Variants in ANKRD50 observed in about 807,000 individuals in gnomAD.
ANKRD50 encodes ankyrin repeat domain-containing protein 50.
ANKRD50 carries 40 observed loss-of-function variants against 112.0 expected under a neutral mutation model. That is an observed-to-expected ratio of 0.36 (90% CI 0.28 to 0.46). The LOEUF is 0.46. Among genes scored for constraint, ANKRD50 ranks in the 20% least tolerant of loss-of-function variants. The pLI, the probability that ANKRD50 is intolerant of heterozygous loss-of-function variation, is 1.00. For missense variants in ANKRD50, 1,487 were observed against 1,701.7 expected (o/e 0.87, Z 2.22); for synonymous variants, 613 against 619.1 (o/e 0.99, Z 0.15).
At chr4:124,691,087 T>C (rs1317352192) in intron 2 of ANKRD50, among the ~76,000 whole-genome samples, 1 of 152,136 alleles carries the variant, frequency 6.6e-6, no homozygotes, top group African/African-American at 2.4e-5. Context: ...TAGAAAGAAA[T>C]AGAGGAAGAG....
chr4:124,700,404 T>C (rs1291386556), intron 2 of ANKRD50, among the ~76,000 whole-genome samples: 1 of 152,076 alleles, frequency 6.6e-6, no homozygotes, highest in Non-Finnish European at 1.5e-5. Context: ...TTTGTGAAAA[T>C]AAGAGAAACA....
intron 3 of ANKRD50, among the ~76,000 whole-genome samples, chr4:124,672,785 T>C (rs1730693158): frequency 6.6e-6 from 1 of 152,030 alleles, no homozygotes. Context: ...TTGGTGCCTC[T>C]CTCAACTCCA....
chr4:124,672,977 T>C (rs893153261), intron 3 of ANKRD50, among the ~76,000 whole-genome samples: 3 of 152,144 alleles, frequency 2.0e-5, no homozygotes, highest in African/African-American at 7.2e-5. Flanking sequence ...TACACTTGAA[T>C]ATACACTAGC....
At position 124,670,657 on chromosome 4, in the gene ANKRD50, T is replaced by C; in HGVS notation, c.2620A>G (p.Asn874Asp). The change falls in exon 4 of 5, where the codon AAT becomes GAT. Residue 874 changes from asparagine (N) to aspartate (D), a missense_variant. Around this residue, in one of 2 missense-constraint regions of ANKRD50, gnomAD observed 1,046 missense variants for 1,269.5 expected, o/e 0.82. Coordinates refer to ENST00000504087, the MANE Select transcript of ANKRD50 (RefSeq NM_020337.3). ...EALIEQGART[N>D]EIDNDGRIPF... ...ATTCGTCCATCATTGTCAATCTCAT[T>C]TGTTCTAGCACCTTGTTCAATAAGT... 6.2e-7 allele frequency: 1 copy of C among 1,613,534 alleles called. No individual in the cohort carries two copies. The highest frequency in any genetic ancestry group is 8.5e-7 in the Non-Finnish European group (1 of 1,179,776).
chr4:124,688,434 C>G (rs1725054001), intron 2 of ANKRD50, among the ~76,000 whole-genome samples: 1 of 152,142 alleles, frequency 6.6e-6, no homozygotes, highest in Non-Finnish European at 1.5e-5. Context: ...TATATCACAA[C>G]TAGGTGGATC....
chr4:124,709,083 A>G (rs1725569945), intron 2 of ANKRD50, among the ~76,000 whole-genome samples: 3 of 150,750 alleles, frequency 2.0e-5, no homozygotes, highest in Non-Finnish European at 3.0e-5. Context: ...ACACACACAA[A>G]CCTCCAGTGC....
rs1197907375 is a variant in ANKRD50 at position 124,667,097 on chromosome 4, A to G, written c.*421T>C. ...CACTACAATGCAATGTGACTGAAAC[A>G]GTATGTTTAAGTTTCTTTTGCCACA... On this transcript the variant is annotated 3_prime_UTR_variant, in exon 5 of 5. Transcript: ENST00000504087. 3 of 152,012 alleles carry G rather than the reference A, an allele frequency of 2.0e-5. No individual in the cohort carries two copies. Among genetic ancestry groups the G allele is most frequent in the Non-Finnish European group, 4.4e-5 (3 of 67,948 alleles). The allele number at this position is 152,012 out of a possible 1,614,324, so 9.4% of individuals were successfully genotyped here. A position where few individuals can be genotyped will look rare whatever the true frequency, so the allele number is the denominator to read the frequency against.
intron 2 of ANKRD50, among the ~76,000 whole-genome samples, chr4:124,709,212 C>G (rs1020148269): frequency 6.6e-6 from 1 of 151,678 alleles, no homozygotes; most frequent in Non-Finnish European, 1.5e-5. Context: ...TAACAATTTG[C>G]CTGCTACTTT....
chr4:124,694,995 T>A (rs1489903098), intron 2 of ANKRD50, among the ~76,000 whole-genome samples: 1 of 151,914 alleles, frequency 6.6e-6, no homozygotes, highest in East Asian at 1.9e-4. Flanking sequence ...TGCCAAAAAA[T>A]TAAAAGAAAA....
At chr4:124,697,531 G>A (rs887735173) in intron 2 of ANKRD50, among the ~76,000 whole-genome samples, 6 of 152,158 alleles carry the variant, frequency 3.9e-5, no homozygotes, top group Admixed American at 6.5e-5. Flanking sequence ...GAGTGAGGTT[G>A]CCTCTAGTGT....
chr4:124,672,818 A>G (rs1578573426), intron 3 of ANKRD50, among the ~76,000 whole-genome samples: 2 of 152,200 alleles, frequency 1.3e-5, no homozygotes, highest in East Asian at 1.9e-4. Flanking sequence ...CTAATTAAGA[A>G]GCAGACAGTC....
At position 124,672,183 on chromosome 4, in the gene ANKRD50, G is replaced by T. The variant is rs1313873612; in HGVS notation, c.1094C>A (p.Thr365Asn). The change falls in exon 4 of 5, where the codon ACC becomes AAC. Residue 365 changes from threonine (T) to asparagine (N), a missense_variant. Transcript: ENST00000504087. ...TACTGCGTGATATAATTCCGTTATGGTCAAAGGTCGGCAGGCTGCAAGAAT... is the reference window on the plus strand; with the variant it reads ...TACTGCGTGATATAATTCCGTTATGTTCAAAGGTCGGCAGGCTGCAAGAAT... ...NVILAACRPLTITELYHAVWT... is the reference protein window; with the variant it reads ...NVILAACRPLNITELYHAVWT... The T allele has an allele frequency of 6.2e-7, 1 of 1,613,840 alleles. No individual in the cohort carries two copies. Among genetic ancestry groups the T allele is most frequent in the East Asian group, 2.2e-5 (1 of 44,864 alleles).
chr4:124,705,820 C>T (rs1725493105), intron 2 of ANKRD50, among the ~76,000 whole-genome samples: 1 of 152,102 alleles, frequency 6.6e-6, no homozygotes, highest in Non-Finnish European at 1.5e-5. Context: ...AAGTTTTGCA[C>T]TAAAGGCCTA....
At chr4:124,702,966 G>A (rs80334921) in intron 2 of ANKRD50, among the ~76,000 whole-genome samples, 2,107 of 152,086 alleles carry the variant, frequency 0.014, 48 homozygotes, top group African/African-American at 0.048. Context: ...GATACATATT[G>A]ATCAGAATGA....
Position 124,670,195 on chromosome 4 carries a change from C to T in ANKRD50, c.3082G>A (p.Val1028Ile), listed in dbSNP as rs1730603973. ...GCACCATGCTCAATCAGAAGCTGAA[C>T]CACTTTTACATGGCCCTGCCAGGCT... The part of the protein sequence containing the change: ...SAAWQGHVKV[V>I]QLLIEHGAVV... The change falls in exon 4 of 5, where the codon GTT becomes ATT. Residue 1028 changes from valine to isoleucine, a missense_variant. Physicochemically the swap from Val to Ile is conservative, Grantham distance 29. Around this residue, in one of 2 missense-constraint regions of ANKRD50, gnomAD observed 1,046 missense variants for 1,269.5 expected, o/e 0.82. Coordinates refer to ENST00000504087, the MANE Select transcript of ANKRD50 (RefSeq NM_020337.3). The T allele has an allele frequency of 6.2e-7, 1 of 1,612,712 alleles. No homozygotes were observed. The highest frequency in any genetic ancestry group is 8.5e-7 in the Non-Finnish European group (1 of 1,179,576).
chr4:124,673,030 A>C (rs1730697341), intron 3 of ANKRD50, among the ~76,000 whole-genome samples: 2 of 152,118 alleles, frequency 1.3e-5, no homozygotes, highest in Non-Finnish European at 2.9e-5. Context: ...TAGAATATCC[A>C]GTCATTGTCT....
Position 124,670,548 on chromosome 4 carries a change from C to T in ANKRD50, c.2729G>A (p.Gly910Asp), listed in dbSNP as rs201831324. The T allele has an allele frequency of 6.2e-7, 1 of 1,613,296 alleles. No individual in the cohort carries two copies. The highest frequency in any genetic ancestry group is 8.5e-7 in the Non-Finnish European group (1 of 1,179,758). Residue 910 changes from glycine (G) to aspartate (D), a missense_variant, in exon 4 of 5, where the codon GGT becomes GAT. Gly to Asp is a moderately conservative substitution (Grantham distance 94). Around this residue, in one of 2 missense-constraint regions of ANKRD50, gnomAD observed 1,046 missense variants for 1,269.5 expected, o/e 0.82. Transcript: ENST00000504087. ...CCGCAGTGCATTTCTTCCATCATAA[C>T]CTCTTTGATCAATGTTGGATTTGTT... is the stretch of plus-strand genomic sequence containing the variant. ...LENKSNIDQR[G>D]YDGRNALRVA...
chr4:124,706,411 T>C (rs2110529166), intron 2 of ANKRD50, among the ~76,000 whole-genome samples: 1 of 152,262 alleles, frequency 6.6e-6, no homozygotes, highest in East Asian at 1.9e-4. Context: ...CCTTTCACTC[T>C]TCCTTAATTA....
At position 124,667,475 on chromosome 4, in the gene ANKRD50, C is replaced by T. The variant is rs1730522852; in HGVS notation, c.*43G>A. 1 of 151,882 alleles carries T rather than the reference C, an allele frequency of 6.6e-6. No individual in the cohort carries two copies. Among genetic ancestry groups the T allele is most frequent in the African/African-American group, 2.4e-5 (1 of 41,366 alleles). 9.4% of individuals were successfully genotyped at this position (151,882 alleles called of 1,614,324 possible). A position where few individuals can be genotyped will look rare whatever the true frequency, so the allele number is the denominator to read the frequency against. On this transcript the variant is annotated 3_prime_UTR_variant, in exon 5 of 5. Coordinates refer to ENST00000504087, the MANE Select transcript of ANKRD50 (RefSeq NM_020337.3). ...ATGTTTCCATCCAGTAGCTGAAGAACCACTCCATCACAATGTCTTCTGTTT... is the reference window on the plus strand; with the variant it reads ...ATGTTTCCATCCAGTAGCTGAAGAATCACTCCATCACAATGTCTTCTGTTT...
Sources: gnomAD v4.1 joint callset for allele counts (sites outside exome capture counted in the v4.1 genomes callset) on GRCh38, gnomAD v4.1.1 for gene constraint, gnomAD v4.1.1 regional missense constraint, MANE v1.5 for transcripts, NCBI Gene and HGNC (gene_info 2026-07-23, HGNC 2026-07-21) for gene names.